RYR1: variants seen among roughly 807,000 people sequenced by gnomAD.
The protein encoded by RYR1 is central core disease of muscle.
Under a neutral mutation model 583.5 loss-of-function variants are expected in RYR1, and 342 were observed. The observed-to-expected ratio is 0.59, with a 90% CI of 0.54 to 0.64. The LOEUF is 0.64. Among genes scored for constraint, RYR1 ranks in the 30% least tolerant of loss-of-function variants. The pLI is 0.00. For synonymous variants in RYR1, 2,791 were observed against 2,822.5 expected (o/e 0.99, Z 0.35); for missense variants, 6,032 against 6,917.2 (o/e 0.87, Z 4.54).
chr19:38,492,517 A>C lies in RYR1; in HGVS notation c.6155A>C (p.Glu2052Ala). 6.2e-7 allele frequency: 1 copy of C among 1,614,154 alleles called. No individual in the cohort carries two copies. The highest frequency in any genetic ancestry group is 8.5e-7 in the Non-Finnish European group (1 of 1,179,998). ...ATTCAGCTAGATGGAGAGGAGGAGG[A>C]ACCAGAGGAAGAGACCACCCTGGGC... ...CGIQLDGEEE[E>A]PEEETTLGSR... is the part of the protein sequence containing the mutation. Residue 2052 changes from glutamate (E) to alanine (A), a missense_variant, in exon 38 of 106, where the codon GAA (glutamate) becomes GCA (alanine). Glu to Ala is a moderately radical substitution (Grantham distance 107). Around this residue, in one of 11 missense-constraint regions of RYR1, gnomAD observed 2,627 missense variants for 2,961.3 expected, o/e 0.89. Transcript: ENST00000359596.
intron 47 of RYR1, 113 bp from the exon 48 acceptor site, chr19:38,502,394 G>A: frequency 9.9e-7 from 1 of 1,007,810 alleles, no homozygotes. Context: ...GGAGGAGCAG[G>A]TTTTGGGGGA....
chr19:38,468,605 T>C (rs1436365938), intron 25 of RYR1, among the ~76,000 whole-genome samples: 1 of 152,216 alleles, frequency 6.6e-6, no homozygotes, highest in African/African-American at 2.4e-5. Context: ...TATATAAGCA[T>C]ATATGGATCT....
chr19:38,529,878 A>G (rs1275326003), intron 76 of RYR1, among the ~76,000 whole-genome samples: 2 of 152,146 alleles, frequency 1.3e-5, no homozygotes, highest in African/African-American at 2.4e-5. Context: ...GGATATCTAT[A>G]TCCTCTCACT....
chr19:38,564,860 C>T, intron 90 of RYR1, 99 bp from the exon 91 acceptor site: 4 of 1,520,418 alleles, frequency 2.6e-6, no homozygotes, highest in Non-Finnish European at 3.5e-6. Context: ...TTTAGAACAG[C>T]GCCTGCCGCG....
Position 38,458,200 on chromosome 19 carries a change from C to A in RYR1, c.2075C>A (p.Thr692Asn), listed in dbSNP as rs869312735. The A allele has an allele frequency of 1.2e-6, 2 of 1,613,938 alleles. No individual in the cohort carries two copies. Among genetic ancestry groups the A allele is most frequent in the Non-Finnish European group, 1.7e-6 (2 of 1,180,024 alleles). The change falls in exon 18 of 106, where the codon ACC becomes AAC. Residue 692 changes from threonine to asparagine, a missense_variant. Physicochemically the swap from Thr to Asn is moderately conservative, Grantham distance 65 (BLOSUM62 0). Around this residue, in one of 11 missense-constraint regions of RYR1, gnomAD observed 2,627 missense variants for 2,961.3 expected, o/e 0.89. Transcript: ENST00000359596. ...GGCTGGGCCCTCACCGAGGGCTACA[C>A]CCCCTACCCTGGGGCCGGCGAGGGC... ...RVGWALTEGY[T>N]PYPGAGEGWG...
At chr19:38,457,471 C>G (rs935132963) in intron 16 of RYR1, 26 bp from the exon 17 acceptor site, 5 of 1,614,022 alleles carry the variant, frequency 3.1e-6, no homozygotes, top group Non-Finnish European at 3.4e-6. Flanking sequence ...CCTACACACC[C>G]TTTAACCTCT....
At chr19:38,452,507 C>A (rs889886526) in intron 12 of RYR1, among the ~76,000 whole-genome samples, 80 of 152,146 alleles carry the variant, frequency 5.3e-4, no homozygotes, top group Non-Finnish European at 1.6e-4. Context: ...CCTAATCTGA[C>A]CTTGACAACC....
chr19:38,513,919 G>A (rs1245387501), intron 63 of RYR1, among the ~76,000 whole-genome samples: 1 of 151,808 alleles, frequency 6.6e-6, no homozygotes, highest in African/African-American at 2.4e-5. Flanking sequence ...GTGTAACCAC[G>A]GTATCATTAT....
intron 31 of RYR1, among the ~76,000 whole-genome samples, chr19:38,482,377 T>C (rs1038353371): frequency 6.6e-6 from 1 of 152,108 alleles, no homozygotes; most frequent in Admixed American, 6.6e-5. Context: ...ACAATGTTGT[T>C]TGTGGAGGCA....
chr19:38,447,384 T>A (rs1204568282), intron 9 of RYR1, among the ~76,000 whole-genome samples: 1 of 150,370 alleles, frequency 6.7e-6, no homozygotes, highest in East Asian at 2.0e-4. Flanking sequence ...CTACTAAAGA[T>A]ACAAAAATTT....
intron 3 of RYR1, among the ~76,000 whole-genome samples, chr19:38,442,746 G>A (rs912062665): frequency 2.6e-5 from 4 of 152,186 alleles, no homozygotes; most frequent in South Asian, 2.1e-4. Flanking sequence ...GTTGTCAGGG[G>A]CTGTGGAGCC....
In RYR1 at chr19:38,436,312, A is replaced by G. The variant is rs958004642; in HGVS notation, c.45+2438A>G. On this transcript the variant is annotated intron_variant, in intron 1 of 105. Coordinates refer to ENST00000359596, the MANE Select transcript of RYR1 (RefSeq NM_000540.3). ...AACCTCCACTTCCCAGGCTCCAGTGATCCTCCCACCTCAGCCTCCTGAGTA... is the reference window on the plus strand; with the variant it reads ...AACCTCCACTTCCCAGGCTCCAGTGGTCCTCCCACCTCAGCCTCCTGAGTA... 5.3e-5 allele frequency among the ~76,000 whole-genome samples: 8 copies of G among 151,696 alleles called. 1 individual carries two copies. Among genetic ancestry groups the G allele is most frequent in the African/African-American group, 1.7e-4 (7 of 41,194 alleles).
intron 50 of RYR1, 140 bp from the exon 51 acceptor site, chr19:38,504,608 T>G: frequency 2.4e-6 from 3 of 1,226,132 alleles, no homozygotes; most frequent in Non-Finnish European, 3.5e-6. Flanking sequence ...GACTGACATT[T>G]GGGTTTCAAG....
In RYR1 at chr19:38,500,644, C is replaced by T. The variant is rs369428665; in HGVS notation, c.7362C>T (p.Arg2454=). ...QAGKGEALRI[R]AILRSLVPLE... Reference sequence around the variant, plus strand: ...GCAAGGGTGAGGCCCTGCGGATCCGCGCCATCCTCCGCTCCCTTGTGCCCT... The same window carrying T: ...GCAAGGGTGAGGCCCTGCGGATCCGTGCCATCCTCCGCTCCCTTGTGCCCT... The change falls in exon 46 of 106, where the codon CGC becomes CGT. Residue 2454 remains arginine, a synonymous_variant. Coordinates refer to ENST00000359596, the MANE Select transcript of RYR1 (RefSeq NM_000540.3). The surrounding 1 kb of genome is among the most constrained non-coding windows in gnomAD (Gnocchi z 5.9). The T allele has an allele frequency of 2.4e-4, 389 of 1,613,824 alleles. No homozygotes were observed. The highest frequency in any genetic ancestry group is 2.0e-3 in the East Asian group (89 of 44,878).
At chr19:38,528,077 TC>T (rs1468744131) in intron 73 of RYR1, 2 of 630,222 alleles carry the variant, frequency 3.2e-6, no homozygotes, top group Non-Finnish European at 5.6e-6. Flanking sequence ...GTAGAATTGG[TC>T]GTGGCCTGGC....
In RYR1 at chr19:38,575,918, G is replaced by C. The variant is rs1973937823; in HGVS notation, c.14130-1G>C. ...CACGCTTTCTCTCTCTCTCTCTGCAGGTCTTTCCCTAGCAACTACTGGGAC... is the reference window on the plus strand; with the variant it reads ...CACGCTTTCTCTCTCTCTCTCTGCACGTCTTTCCCTAGCAACTACTGGGAC... On this transcript the variant is annotated splice_acceptor_variant, in intron 96 of 105. Coordinates refer to ENST00000359596, the MANE Select transcript of RYR1 (RefSeq NM_000540.3). LOFTEE classifies it high-confidence loss of function. 1 of 1,614,130 alleles carries C rather than the reference G, an allele frequency of 6.2e-7. No individual in the cohort carries two copies. Among genetic ancestry groups the C allele is most frequent in the Non-Finnish European group, 8.5e-7 (1 of 1,180,014 alleles).
At chr19:38,439,855 A>G (rs114566153) in intron 1 of RYR1, among the ~76,000 whole-genome samples, 6,994 of 152,236 alleles carry the variant, frequency 0.046, 407 homozygotes, top group African/African-American at 0.13. Flanking sequence ...GGGCTGTCAC[A>G]TTGCATTCAG....
Position 38,546,486 on chromosome 19 carries a change from G to C in RYR1, c.12054G>C (p.Leu4018=). Residue 4018 remains leucine, a synonymous_variant, in exon 88 of 106, where the codon CTG becomes CTC. Coordinates refer to ENST00000359596, the MANE Select transcript of RYR1 (RefSeq NM_000540.3). ...AGCTGCTGAAGGAGCTGCTGGATCTGCAGAAGGACATGGTGGTGATGTTGC... is the reference window on the plus strand; with the variant it reads ...AGCTGCTGAAGGAGCTGCTGGATCTCCAGAAGGACATGGTGGTGATGTTGC... ...QIELLKELLD[L]QKDMVVMLLS... 1 of 1,613,736 alleles carries C rather than the reference G, an allele frequency of 6.2e-7. No individual in the cohort carries two copies. The highest frequency in any genetic ancestry group is 2.2e-5 in the East Asian group (1 of 44,798).
intron 31 of RYR1, among the ~76,000 whole-genome samples, chr19:38,481,055 A>G (rs1209288948): frequency 1.3e-5 from 2 of 151,850 alleles, no homozygotes; most frequent in African/African-American, 4.8e-5. Flanking sequence ...ATTTTAATTT[A>G]TTAAGACAGA....
Sources: allele counts gnomAD v4.1 joint callset (sites outside exome capture counted in the v4.1 genomes callset), GRCh38; gene constraint gnomAD v4.1.1; regional missense constraint gnomAD v4.1.1; non-coding constraint Gnocchi (gnomAD v3.1); transcripts MANE v1.5; gene names NCBI Gene and HGNC (gene_info 2026-07-23, HGNC 2026-07-21).